The following SMYD3 variants were observed in gnomAD, a reference collection of about 807,000 sequenced individuals.
The protein encoded by SMYD3 is histone-lysine N-methyltransferase SMYD3.
In SMYD3, 36 loss-of-function variants were observed where a neutral mutation model predicts 57.7. The ratio of observed to expected loss-of-function variants is 0.62; its 90% confidence interval spans 0.48 to 0.82. SMYD3 has a LOEUF of 0.82. SMYD3 is among the 40% of genes least tolerant of loss of function. The pLI, the probability that SMYD3 is intolerant of heterozygous loss-of-function variation, is 0.00. For synonymous variants in SMYD3, 211 were observed against 195.0 expected, an observed-to-expected ratio of 1.08 and a Z score of -0.68; for missense variants, 515 against 538.8, an observed-to-expected ratio of 0.96 and a Z score of 0.44.
In SMYD3 at chr1:246,153,062, G is replaced by T. The variant is rs111385350; in HGVS notation, c.531+174139C>A. Among the ~76,000 whole-genome samples the T allele has an allele frequency of 1.6e-3, 243 of 152,238 alleles. 1 individual carries two copies. Among genetic ancestry groups the T allele is most frequent in the African/African-American group, 5.4e-3 (225 of 41,526 alleles). On this transcript the variant is annotated intron_variant, in intron 5 of 11. Transcript: ENST00000490107. Reference sequence around the variant, plus strand: ...TTGTAGCTGCATGGGGCCCAGAACCGTATCACATGGTGCAGAAGTTCTCTC... The same window carrying T: ...TTGTAGCTGCATGGGGCCCAGAACCTTATCACATGGTGCAGAAGTTCTCTC...
chr1:246,082,989 A>T (rs187862534), intron 5 of SMYD3, among the ~76,000 whole-genome samples: 1 of 147,432 alleles, frequency 6.8e-6, no homozygotes, highest in Non-Finnish European at 1.5e-5. Flanking sequence ...GGAAGGCTGC[A>T]GGGACCTCTG....
intron 5 of SMYD3, among the ~76,000 whole-genome samples, chr1:246,049,322 A>T (rs2060023418): frequency 6.6e-6 from 1 of 152,018 alleles, no homozygotes. Flanking sequence ...TTTGAGATGG[A>T]GTCTCGCTCT....
chr1:246,264,768 C>T (rs1321597173), intron 5 of SMYD3, among the ~76,000 whole-genome samples: 1 of 152,112 alleles, frequency 6.6e-6, no homozygotes, highest in Non-Finnish European at 1.5e-5. Context: ...AGTGGCTCTG[C>T]TATAGAAGAA....
chr1:246,006,816 C>T (rs535541765), intron 5 of SMYD3, among the ~76,000 whole-genome samples: 2 of 152,280 alleles, frequency 1.3e-5, no homozygotes, highest in African/African-American at 4.8e-5. Flanking sequence ...ATCATGAACA[C>T]ATAATCGCGG....
At chr1:245,779,554 C>T (rs2046749686) in intron 10 of SMYD3, among the ~76,000 whole-genome samples, 1 of 152,146 alleles carries the variant, frequency 6.6e-6, no homozygotes, top group Admixed American at 6.5e-5. Flanking sequence ...ATTAGATAAT[C>T]AAATCCCTAC....
At chr1:245,915,856 T>C (rs1018691212) in intron 7 of SMYD3, among the ~76,000 whole-genome samples, 6 of 152,212 alleles carry the variant, frequency 3.9e-5, no homozygotes, top group African/African-American at 7.2e-5. Context: ...GGTAAATATA[T>C]ATGTATCATA....
chr1:246,324,537 G>A (rs1438365546), intron 5 of SMYD3, among the ~76,000 whole-genome samples: 1 of 150,776 alleles, frequency 6.6e-6, no homozygotes, highest in East Asian at 2.0e-4. Context: ...ACAAGATCTT[G>A]TTTATTGAGG....
At chr1:245,881,398 G>A (rs1019851145) in intron 8 of SMYD3, among the ~76,000 whole-genome samples, 2 of 152,222 alleles carry the variant, frequency 1.3e-5, no homozygotes, top group Admixed American at 6.5e-5. Context: ...AGTGTTGGAG[G>A]AAGAGAGGGC....
At chr1:246,272,754 T>C (rs1286182928) in intron 5 of SMYD3, among the ~76,000 whole-genome samples, 3 of 152,196 alleles carry the variant, frequency 2.0e-5, no homozygotes, top group African/African-American at 7.2e-5. Flanking sequence ...TCTTTTCTCA[T>C]AATATCTTTG....
At chr1:246,268,914 T>A (rs559082779) in intron 5 of SMYD3, among the ~76,000 whole-genome samples, 2 of 151,972 alleles carry the variant, frequency 1.3e-5, no homozygotes, top group South Asian at 4.2e-4. Flanking sequence ...TGCAACACTA[T>A]CACTGTTAAT....
At chr1:245,755,659 T>G (rs1363922313) in intron 11 of SMYD3, among the ~76,000 whole-genome samples, 1 of 152,228 alleles carries the variant, frequency 6.6e-6, no homozygotes, top group East Asian at 1.9e-4. Flanking sequence ...TCTCATAACA[T>G]TTTCTTTGCT....
At chr1:246,185,968 A>C (rs1391760978) in intron 5 of SMYD3, among the ~76,000 whole-genome samples, 2 of 152,184 alleles carry the variant, frequency 1.3e-5, no homozygotes, top group African/African-American at 2.4e-5. Flanking sequence ...ATTGTAGAAT[A>C]ACAGAATCAT....
intron 11 of SMYD3, among the ~76,000 whole-genome samples, chr1:245,759,509 T>C (rs1324609252): frequency 6.6e-6 from 1 of 152,114 alleles, no homozygotes; most frequent in African/African-American, 2.4e-5. Flanking sequence ...GATTCCTAAA[T>C]AGGGACACAA....
intron 5 of SMYD3, among the ~76,000 whole-genome samples, chr1:246,264,013 A>G (rs554798438): frequency 6.6e-6 from 1 of 151,628 alleles, no homozygotes; most frequent in South Asian, 2.1e-4. Flanking sequence ...CCAAAAGGCC[A>G]TATTGCCTAA....
chr1:245,934,632 C>T (rs948007740), intron 5 of SMYD3, among the ~76,000 whole-genome samples: 6 of 152,078 alleles, frequency 3.9e-5, no homozygotes, highest in Non-Finnish European at 5.9e-5. Flanking sequence ...ACCAGGCTGG[C>T]GACGGAGGTC....
intron 5 of SMYD3, chr1:246,026,186 C>T (rs2059571723): frequency 6.6e-6 from 1 of 152,110 alleles, no homozygotes; most frequent in Admixed American, 6.5e-5. Flanking sequence ...AAACCCATAC[C>T]AGAAAAAAAG....
chr1:245,838,322 G>A (rs1035298213), intron 10 of SMYD3, among the ~76,000 whole-genome samples: 2 of 152,210 alleles, frequency 1.3e-5, no homozygotes, highest in African/African-American at 2.4e-5. Flanking sequence ...GTGTAACCCA[G>A]GTCCTGCACC....
chr1:245,887,562 G>A (rs1194296551), intron 8 of SMYD3, among the ~76,000 whole-genome samples: 1 of 152,174 alleles, frequency 6.6e-6, no homozygotes, highest in Non-Finnish European at 1.5e-5. Flanking sequence ...AACATCCCCA[G>A]ACTGAATCTC....
chr1:246,218,030 T>G (rs574388107), intron 5 of SMYD3, among the ~76,000 whole-genome samples: 1 of 142,138 alleles, frequency 7.0e-6, no homozygotes, highest in African/African-American at 2.6e-5. Flanking sequence ...ATAAATAAAC[T>G]ATGGTACATT....
Sources: allele counts gnomAD v4.1 joint callset (sites outside exome capture counted in the v4.1 genomes callset), GRCh38; gene constraint gnomAD v4.1.1; transcripts MANE v1.5; gene names NCBI Gene and HGNC (gene_info 2026-07-23, HGNC 2026-07-21).